The following MAP2K5 variants were observed in gnomAD, a reference collection of about 807,000 sequenced individuals.
The protein encoded by MAP2K5 is mitogen-activated protein kinase kinase 5.
A neutral mutation model predicts 83.1 loss-of-function variants in MAP2K5; 49 were observed. The ratio of observed to expected loss-of-function variants is 0.59; its 90% CI spans 0.47 to 0.75. The LOEUF (loss-of-function observed/expected upper bound fraction) is 0.75. Ranked by LOEUF, MAP2K5 falls within the 30% of genes least tolerant of loss-of-function variation. The pLI is 0.00. For missense variants in MAP2K5, 457 were observed against 557.5 expected (o/e 0.82, Z 1.82); for synonymous variants, 202 against 191.8 (o/e 1.05, Z -0.44).
At chr15:67,680,161 C>CT (rs1399285609) in intron 13 of MAP2K5, among the ~76,000 whole-genome samples, 4 of 152,094 alleles carry the variant, frequency 2.6e-5, no homozygotes, top group Non-Finnish European at 4.4e-5. Flanking sequence ...TAGTTCATTC[C>CT]TTTTTATTGT....
intron 8 of MAP2K5, chr15:67,627,966 C>T (rs2086366047): frequency 1.3e-6 from 1 of 768,534 alleles, no homozygotes; most frequent in East Asian, 3.0e-5. Context: ...CAATGGGGAA[C>T]ACTCACAGAC....
In MAP2K5 at chr15:67,572,469, G is replaced by C. The variant is rs1394848222; in HGVS notation, c.253-8285G>C. Among the ~76,000 whole-genome samples, 2 of 152,180 alleles carry C rather than the reference G, an allele frequency of 1.3e-5. No homozygotes were observed. On this transcript the variant is annotated intron_variant, in intron 3 of 21. Coordinates refer to ENST00000178640, the MANE Select transcript of MAP2K5 (RefSeq NM_145160.3). The surrounding 1 kb of genome is among the most constrained non-coding windows in gnomAD (Gnocchi z 4.2). ...AGAAAGAATTCAGAGTGAGTCCACA[G>C]TGCAAAGTGAAAGTAAGTTTATTAA... is the stretch of plus-strand genomic sequence containing the variant.
In MAP2K5 at chr15:67,769,753, GCA is replaced by G; in HGVS notation, c.1196+91_1196+92del. 2.3e-6 allele frequency: 3 copies of G among 1,318,746 alleles called. No homozygotes were observed. Among genetic ancestry groups the G allele is most frequent in the Non-Finnish European group, 3.3e-6 (3 of 922,872 alleles). 81.7% of individuals were successfully genotyped at this position (1,318,746 alleles called of 1,614,324 possible). On this transcript the variant is annotated intron_variant, in intron 20 of 21. Transcript: ENST00000178640. The surrounding 1 kb of genome is among the most constrained non-coding windows in gnomAD (Gnocchi z 5.2). ...TCCGTGAGACCTTATGGCTCTCCCT[GCA>G]TCCTTTTGGAGACAGGAGGGACTTC...
chr15:67,773,982 A>G (rs1323975533), intron 21 of MAP2K5, among the ~76,000 whole-genome samples: 3 of 152,216 alleles, frequency 2.0e-5, no homozygotes, highest in African/African-American at 7.2e-5. Context: ...TTGTTTGTAA[A>G]TGCATGTTTC....
chr15:67,745,117 A>G (rs1017539064), intron 17 of MAP2K5, among the ~76,000 whole-genome samples: 1 of 152,266 alleles, frequency 6.6e-6, no homozygotes, highest in Non-Finnish European at 1.5e-5. Context: ...AAAGTGTGTG[A>G]CTGGAACAAT....
Position 67,572,403 on chromosome 15 carries a change from C to T in MAP2K5, c.253-8351C>T, listed in dbSNP as rs141486325. Among the ~76,000 whole-genome samples, 1 of 152,198 alleles carries T rather than the reference C, an allele frequency of 6.6e-6. No homozygotes were observed. The highest frequency in any genetic ancestry group is 1.5e-5 in the Non-Finnish European group (1 of 68,000). On this transcript the variant is annotated intron_variant, in intron 3 of 21. Transcript: ENST00000178640. This position sits in a 1 kb window ranked among gnomAD's most constrained non-coding sequence, Gnocchi z 4.2. Reference sequence around the variant, plus strand: ...TTTCATACTGTTATCGGAAAGGGGTCCCAATCCAGACCCTAAGAGAGAGTT... The same window carrying T: ...TTTCATACTGTTATCGGAAAGGGGTTCCAATCCAGACCCTAAGAGAGAGTT...
chr15:67,597,144 G>A (rs2085545000), intron 7 of MAP2K5, among the ~76,000 whole-genome samples: 1 of 151,272 alleles, frequency 6.6e-6, no homozygotes. Flanking sequence ...ACTCCAGCCT[G>A]GGCCACAGTG....
intron 12 of MAP2K5, 112 bp downstream of exon 12, chr15:67,658,726 C>T: frequency 3.4e-6 from 3 of 884,112 alleles, no homozygotes; most frequent in Non-Finnish European, 5.5e-6. Flanking sequence ...CAGTTGGCTC[C>T]TAAGACCTTC....
In MAP2K5 at chr15:67,690,789, C is replaced by T. The variant is rs1477041368; in HGVS notation, c.848-1690C>T. 1.4e-4 allele frequency among the ~76,000 whole-genome samples: 22 copies of T among 152,256 alleles called. No homozygotes were observed. The highest frequency in any genetic ancestry group is 7.7e-4 in the East Asian group (4 of 5,186). On this transcript the variant is annotated intron_variant, in intron 13 of 21. Coordinates refer to ENST00000178640, the MANE Select transcript of MAP2K5 (RefSeq NM_145160.3). The surrounding 1 kb of genome is among the most constrained non-coding windows in gnomAD (Gnocchi z 4.3). ...CCCCCAGTGATCTGCCTGCCTCAGC[C>T]TCCCAAAGTGTTGGGATTACATGCG...
chr15:67,740,878 A>C (rs1179238296), intron 17 of MAP2K5, among the ~76,000 whole-genome samples: 1 of 152,042 alleles, frequency 6.6e-6, no homozygotes, highest in Non-Finnish European at 1.5e-5. Context: ...AAATACAAAA[A>C]TTAGCCAGAC....
intron 19 of MAP2K5, among the ~76,000 whole-genome samples, chr15:67,763,602 C>T (rs2089991018): frequency 6.6e-6 from 1 of 151,850 alleles, no homozygotes; most frequent in African/African-American, 2.4e-5. Flanking sequence ...CTATGGAGAT[C>T]CTTGGAGGTG....
chr15:67,627,997 G>A lies in MAP2K5; in HGVS notation c.546-2891G>A, dbSNP rs956569025. On this transcript the variant is annotated intron_variant, in intron 8 of 21. Coordinates refer to ENST00000178640, the MANE Select transcript of MAP2K5 (RefSeq NM_145160.3). Reference sequence around the variant, plus strand: ...CAGACTGTGGTAATGAGAGATCCAAGCACCAAGTGCTCCTGGGGCTTTGGG... The same window carrying A: ...CAGACTGTGGTAATGAGAGATCCAAACACCAAGTGCTCCTGGGGCTTTGGG... The A allele has an allele frequency of 4.9e-5, 36 of 736,516 alleles. No homozygotes were observed. In the African/African-American group the frequency reaches 5.9e-4, roughly 12 times the overall value. 45.6% of individuals were successfully genotyped at this position (736,516 alleles called of 1,614,324 possible).
At chr15:67,689,416 GA>G (rs1255634516) in intron 13 of MAP2K5, among the ~76,000 whole-genome samples, 1 of 152,186 alleles carries the variant, frequency 6.6e-6, no homozygotes, top group African/African-American at 2.4e-5. Context: ...AAATATGGAG[GA>G]AAGGTTTCTA....
chr15:67,707,445 T>C (rs1288297395), intron 16 of MAP2K5, among the ~76,000 whole-genome samples: 1 of 152,240 alleles, frequency 6.6e-6, no homozygotes, highest in Non-Finnish European at 1.5e-5. Flanking sequence ...GTCAACACTT[T>C]CTAAGAATTA....
chr15:67,621,252 T>A lies in MAP2K5; in HGVS notation c.546-9636T>A, dbSNP rs185423690. On this transcript the variant is annotated intron_variant, in intron 8 of 21. Transcript: ENST00000178640. ...ACAACTGAACCACAAATACCATGTA[T>A]TAATATGAAAACTCCTGAGATGCAC... 4.1e-3 allele frequency among the ~76,000 whole-genome samples: 625 copies of A among 152,046 alleles called. 4 individuals carry two copies. Among genetic ancestry groups the A allele is most frequent in the South Asian group, 0.027 (132 of 4,828 alleles).
At position 67,764,511 on chromosome 15, in the gene MAP2K5, C is replaced by T. The variant is rs2090006106; in HGVS notation, c.1135-5091C>T. ...CTTTGGCAGTCTCACGTGGCCACTT[C>T]CTCCATCCTGCAGGGCTGGTTATTA... On this transcript the variant is annotated intron_variant, in intron 19 of 21. Transcript: ENST00000178640. The surrounding 1 kb of genome is among the most constrained non-coding windows in gnomAD (Gnocchi z 4.9). Among the ~76,000 whole-genome samples, 1 of 152,302 alleles carries T rather than the reference C, an allele frequency of 6.6e-6. No homozygotes were observed. The highest frequency in any genetic ancestry group is 6.5e-5 in the Admixed American group (1 of 15,296).
At chr15:67,544,383 T>C (rs1211464314) in intron 1 of MAP2K5, among the ~76,000 whole-genome samples, 2 of 152,214 alleles carry the variant, frequency 1.3e-5, no homozygotes, top group Non-Finnish European at 2.9e-5. Context: ...TCAAATAAAA[T>C]GATGGAATTT....
At chr15:67,600,780 TCCG>T in intron 8 of MAP2K5, 31 bp downstream of exon 8, 1 of 1,544,606 alleles carries the variant, frequency 6.5e-7, no homozygotes, top group Non-Finnish European at 8.8e-7. Flanking sequence ...AAACTTTCTA[TCCG>T]CTTTTCCAAA....
intron 6 of MAP2K5, among the ~76,000 whole-genome samples, chr15:67,592,012 G>C (rs150017445): frequency 0.014 from 2,105 of 150,002 alleles, 46 homozygotes; most frequent in African/African-American, 0.049. Context: ...TCTGGAGACT[G>C]AGGCAGGAGA....
Sources: gnomAD v4.1 joint callset for allele counts (sites outside exome capture counted in the v4.1 genomes callset) on GRCh38, gnomAD v4.1.1 for gene constraint, Gnocchi (gnomAD v3.1) non-coding constraint, MANE v1.5 for transcripts, NCBI Gene and HGNC (gene_info 2026-07-23, HGNC 2026-07-21) for gene names.